CADPS2: variants seen among roughly 807,000 people sequenced by gnomAD.
The protein encoded by CADPS2 is calcium dependent secretion activator 2, also known as calcium-dependent secretion activator 2.
CADPS2 carries 93 observed loss-of-function variants against 172.5 expected under a neutral mutation model. The observed-to-expected ratio is 0.54, with a 90% CI of 0.46 to 0.64. The LOEUF (loss-of-function observed/expected upper bound fraction) is 0.64. Among genes scored for constraint, CADPS2 ranks in the 30% least tolerant of loss-of-function variants. The pLI, the probability that CADPS2 is intolerant of heterozygous loss-of-function variation, is 0.00. For synonymous variants in CADPS2, 546 were observed against 555.2 expected, an observed-to-expected ratio of 0.98 and a Z score of 0.23; for missense variants, 1,420 against 1,565.9, an observed-to-expected ratio of 0.91 and a Z score of 1.57.
At chr7:122,346,176 G>C (rs1213097550) in intron 27 of CADPS2, among the ~76,000 whole-genome samples, 1 of 151,898 alleles carries the variant, frequency 6.6e-6, no homozygotes, top group Non-Finnish European at 1.5e-5. Flanking sequence ...AGACCAGCCT[G>C]GTCAACATGA....
chr7:122,663,452 T>C lies in CADPS2; in HGVS notation c.571A>G (p.Ile191Val). 6.2e-7 allele frequency: 1 copy of C among 1,613,996 alleles called. No individual in the cohort carries two copies. The highest frequency in any genetic ancestry group is 8.5e-7 in the Non-Finnish European group (1 of 1,179,882). Residue 191 changes from isoleucine (I) to valine (V), a missense_variant, in exon 3 of 30, where the codon ATA (isoleucine) becomes GTA (valine). Coordinates refer to ENST00000449022, the MANE Select transcript of CADPS2 (RefSeq NM_017954.11). ...ACTGTCTCTTTGCTCAAGCCATCTA[T>C]TTCTGGCAAACTCCGCACACGTTTT... ...IEKRVRSLPE[I>V]DGLSKETVLS...
intron 22 of CADPS2, 114 bp from the exon 23 acceptor site, chr7:122,388,852 A>G (rs768115749): frequency 1.1e-6 from 1 of 936,612 alleles, no homozygotes; most frequent in Non-Finnish European, 1.5e-6. Context: ...AATACCATAT[A>G]AAGTCTCTAA....
chr7:122,641,704 A>G (rs2077664728), intron 3 of CADPS2, among the ~76,000 whole-genome samples: 1 of 152,150 alleles, frequency 6.6e-6, no homozygotes, highest in Admixed American at 6.5e-5. Context: ...TTTGTAAAGG[A>G]ACACTAAAAC....
At chr7:122,521,951 A>G (rs945816283) in intron 8 of CADPS2, among the ~76,000 whole-genome samples, 2 of 152,164 alleles carry the variant, frequency 1.3e-5, no homozygotes, top group Admixed American at 1.3e-4. Flanking sequence ...GTATAAAACT[A>G]TACTAAAAAT....
chr7:122,849,914 T>A, intron 1 of CADPS2: 1 of 568,680 alleles, frequency 1.8e-6, no homozygotes, highest in Non-Finnish European at 3.3e-6. Context: ...AACCATGGCA[T>A]CAGCTCTGGC....
chr7:122,338,903 G>A (rs1158907842), intron 28 of CADPS2: 1 of 151,922 alleles, frequency 6.6e-6, no homozygotes, highest in African/African-American at 2.4e-5. Flanking sequence ...TAGGACTACA[G>A]GAACATACTA....
intron 9 of CADPS2, among the ~76,000 whole-genome samples, chr7:122,492,912 T>C (rs1364537418): frequency 6.6e-6 from 1 of 152,132 alleles, no homozygotes; most frequent in African/African-American, 2.4e-5. Flanking sequence ...TTACCTGGGC[T>C]TGGTTAATGT....
At chr7:122,681,754 G>T in intron 2 of CADPS2, 1 of 504,306 alleles carries the variant, frequency 2.0e-6, no homozygotes, top group South Asian at 3.7e-5. Flanking sequence ...ATAAAAGAAA[G>T]AAAAAAAACA....
At chr7:122,562,622 A>G (rs1481860231) in intron 7 of CADPS2, among the ~76,000 whole-genome samples, 1 of 152,186 alleles carries the variant, frequency 6.6e-6, no homozygotes, top group Non-Finnish European at 1.5e-5. Flanking sequence ...GCAACAAGAA[A>G]CTAATGTGTA....
intron 1 of CADPS2, among the ~76,000 whole-genome samples, chr7:122,878,507 G>A (rs1010656089): frequency 6.6e-6 from 1 of 151,196 alleles, no homozygotes; most frequent in Non-Finnish European, 1.5e-5. Flanking sequence ...GGGTGCAGTG[G>A]CGGGTGCCTG....
At chr7:122,557,794 A>G (rs139182334) in intron 7 of CADPS2, among the ~76,000 whole-genome samples, 4 of 152,328 alleles carry the variant, frequency 2.6e-5, no homozygotes, top group Non-Finnish European at 5.9e-5. Context: ...TCACCAGTAT[A>G]GAACTGTTGC....
chr7:122,322,560 AAAG>A (rs1259633401), intron 29 of CADPS2, among the ~76,000 whole-genome samples: 1 of 152,210 alleles, frequency 6.6e-6, no homozygotes, highest in African/African-American at 2.4e-5. Context: ...TCTCCTAGCA[AAAG>A]AAGCAGGTGA....
At chr7:122,323,891 A>ATGTATATTT (rs2033223117) in intron 29 of CADPS2, among the ~76,000 whole-genome samples, 1 of 15,046 alleles carries the variant, frequency 6.6e-5, no homozygotes, top group Non-Finnish European at 3.5e-4. Flanking sequence ...ATATATATAT[A>ATGTATATTT]TATATATATA....
At chr7:122,680,529 C>A (rs1040464930) in intron 2 of CADPS2, among the ~76,000 whole-genome samples, 3 of 152,128 alleles carry the variant, frequency 2.0e-5, no homozygotes, top group South Asian at 4.1e-4. Flanking sequence ...GCCTGGCCAA[C>A]ATGGCAAAAG....
At chr7:122,642,543 A>C (rs2077780022) in intron 3 of CADPS2, among the ~76,000 whole-genome samples, 1 of 62,288 alleles carries the variant, frequency 1.6e-5, no homozygotes, top group African/African-American at 6.2e-5. Flanking sequence ...AGTTTCACCC[A>C]ACAGCTTTTT....
At chr7:122,462,203 C>T (rs1257424245) in intron 14 of CADPS2, among the ~76,000 whole-genome samples, 1 of 151,962 alleles carries the variant, frequency 6.6e-6, no homozygotes, top group African/African-American at 2.4e-5. Flanking sequence ...TAAAATACCA[C>T]AGAATTTAAG....
chr7:122,488,334 T>C (rs1169608467), intron 11 of CADPS2, among the ~76,000 whole-genome samples: 1 of 152,198 alleles, frequency 6.6e-6, no homozygotes, highest in African/African-American at 2.4e-5. Context: ...AAATACCCAA[T>C]TTGGCACTTG....
chr7:122,708,117 AT>A lies in CADPS2; in HGVS notation c.453+28837del, dbSNP rs2087901441. Reference sequence around the variant, plus strand: ...TTGCAAGTGCTGCTATAATCTACCCATTTAGAAAAAATCCTGATATAATTCC... The same window carrying A: ...TTGCAAGTGCTGCTATAATCTACCCATTAGAAAAAATCCTGATATAATTCC... On this transcript the variant is annotated intron_variant, in intron 2 of 29. Coordinates refer to ENST00000449022, the MANE Select transcript of CADPS2 (RefSeq NM_017954.11). Among the ~76,000 whole-genome samples, 8 of 151,818 alleles carry A rather than the reference AT, an allele frequency of 5.3e-5. No individual in the cohort carries two copies. The South Asian group carries it at 1.7e-3, about 31-fold the overall frequency.
At chr7:122,623,714 T>C (rs975590024) in intron 4 of CADPS2, among the ~76,000 whole-genome samples, 11 of 152,210 alleles carry the variant, frequency 7.2e-5, no homozygotes, top group Admixed American at 1.3e-4. Flanking sequence ...CCTAACTTGT[T>C]TGCTTATTAA....
Sources: allele counts gnomAD v4.1 joint callset (sites outside exome capture counted in the v4.1 genomes callset), GRCh38; gene constraint gnomAD v4.1.1; transcripts MANE v1.5; gene names NCBI Gene and HGNC (gene_info 2026-07-23, HGNC 2026-07-21).